The following CCT3 variants were observed in gnomAD, a reference collection of about 807,000 sequenced individuals.
CCT3 encodes the protein T-complex protein 1 subunit gamma.
Under a neutral mutation model 65.3 loss-of-function variants are expected in CCT3, and 10 were observed. The ratio of observed to expected loss-of-function variants is 0.15; its 90% CI spans 0.09 to 0.26. The LOEUF (loss-of-function observed/expected upper bound fraction) is 0.26, where lower values mean the gene tolerates loss of function less well. Ranked by LOEUF, CCT3 falls within the 10% of genes least tolerant of loss-of-function variation. CCT3 has a pLI of 1.00. For synonymous variants in CCT3, 225 were observed against 242.3 expected (o/e 0.93, Z 0.66); for missense variants, 626 against 708.7 (o/e 0.88, Z 1.33).
chr1:156,310,794 T>G, intron 12 of CCT3, 105 bp from the exon 13 acceptor site: 1 of 1,455,184 alleles, frequency 6.9e-7, no homozygotes, highest in Non-Finnish European at 9.4e-7. Context: ...CAGGGAAAAA[T>G]GGCAATGACA....
intron 10 of CCT3, among the ~76,000 whole-genome samples, chr1:156,315,244 T>C (rs992409393): frequency 6.6e-6 from 1 of 152,254 alleles, no homozygotes; most frequent in South Asian, 2.1e-4. Context: ...CTTTCACTCT[T>C]GTCGCCCAGG....
At chr1:156,312,335 T>C (rs1664120354) in intron 10 of CCT3, 114 bp from the exon 11 acceptor site, 1 of 953,362 alleles carries the variant, frequency 1.0e-6, no homozygotes, top group Non-Finnish European at 1.5e-6. Flanking sequence ...GTTGGAAACA[T>C]CACTTAAGAG....
At position 156,309,302 on chromosome 1, in the gene CCT3, G is replaced by A. The variant is rs763340746; in HGVS notation, c.1535C>T (p.Thr512Met). 17 of 1,609,626 alleles carry A rather than the reference G, an allele frequency of 1.1e-5. No individual in the cohort carries two copies. The East Asian group carries it at 1.8e-4, about 17-fold the overall frequency. The change falls in exon 14 of 14, where the codon ACG becomes ATG. Residue 512 changes from threonine to methionine, a missense_variant and splice_region_variant. Physicochemically the swap from Thr to Met is moderately conservative, Grantham distance 81. Coordinates refer to ENST00000295688, the MANE Select transcript of CCT3 (RefSeq NM_005998.5). The part of the protein sequence containing the change: ...KLQTYKTAVE[T>M]AVLLLRIDDI... ...ATCAATTCGCAGTAGCAGAACTGCC[G>A]TCTAGGAGAAAAACCACAGATGCAA...
intron 1 of CCT3, among the ~76,000 whole-genome samples, 154 bp downstream of exon 1, chr1:156,338,000 G>A (rs553878510): frequency 2.7e-4 from 41 of 151,416 alleles, no homozygotes; most frequent in Non-Finnish European, 5.0e-4. Flanking sequence ...GTTAAGAGAA[G>A]AGAGGAAAGC....
intron 5 of CCT3, among the ~76,000 whole-genome samples, chr1:156,329,123 T>C (rs1418532733): frequency 2.6e-5 from 4 of 152,144 alleles, no homozygotes; most frequent in Non-Finnish European, 5.9e-5. Context: ...ACCACTGTAT[T>C]ATAACTGTAT....
rs149130035 is a variant in CCT3, at chr1:156,335,131, A to G, written c.94-213T>C. 1.5e-3 allele frequency: 804 copies of G among 532,444 alleles called. 2 individuals are homozygous for G. The highest frequency in any genetic ancestry group is 7.0e-3 in the Middle Eastern group (14 of 2,002). 33.0% of individuals were successfully genotyped at this position (532,444 alleles called of 1,614,324 possible). On this transcript the variant is annotated intron_variant, in intron 2 of 13. Coordinates refer to ENST00000295688, the MANE Select transcript of CCT3 (RefSeq NM_005998.5). ...AGTGATCCACCTGCCTCAGCCTCCC[A>G]AAGTGTTGGGATTAGAGGCGTGAGC...
intron 13 of CCT3, among the ~76,000 whole-genome samples, chr1:156,309,856 G>C (rs534041917): frequency 1.1e-4 from 17 of 151,342 alleles, no homozygotes; most frequent in Non-Finnish European, 2.5e-4. Context: ...GGCCAACATG[G>C]TAAAACCCCG....
chr1:156,309,721 C>T (rs757057311), intron 13 of CCT3, among the ~76,000 whole-genome samples: 2 of 151,768 alleles, frequency 1.3e-5, no homozygotes, highest in Non-Finnish European at 2.9e-5. Flanking sequence ...CCACCATGCC[C>T]GGCCTTTTCA....
chr1:156,311,641 C>T (rs1022966720), intron 11 of CCT3, among the ~76,000 whole-genome samples: 1 of 151,846 alleles, frequency 6.6e-6, no homozygotes, highest in African/African-American at 2.4e-5. Flanking sequence ...GTTACTTAGC[C>T]TCAATGAGGA....
At chr1:156,321,135 G>A in intron 6 of CCT3, 110 bp from the exon 7 acceptor site, 1 of 853,876 alleles carries the variant, frequency 1.2e-6, no homozygotes, top group Non-Finnish European at 1.8e-6. Flanking sequence ...GCAGAACAAG[G>A]GGATTTGTTC....
chr1:156,317,626 C>A (rs906917065), intron 8 of CCT3, 79 bp from the exon 9 acceptor site: 74 of 1,283,834 alleles, frequency 5.8e-5, no homozygotes, highest in Non-Finnish European at 7.7e-5. Context: ...ACTCCTTCCA[C>A]CCACCTCTCC....
chr1:156,315,338 A>G (rs1046721233), intron 10 of CCT3, among the ~76,000 whole-genome samples: 2 of 152,106 alleles, frequency 1.3e-5, no homozygotes, highest in African/African-American at 4.8e-5. Context: ...CCTCCCGAGT[A>G]GCTGGGATTA....
In CCT3 at chr1:156,317,221, C is replaced by T. The variant is rs2101639363; in HGVS notation, c.919G>A (p.Ala307Thr). ...ACTCTGCGGATGGCTGTGATATTGG[C>T]CCGCATAAGGTAGTGCTGAGCTAAA... ...SDLAQHYLMR[A>T]NITAIRRVRK... The change falls in exon 10 of 14, where the codon GCC becomes ACC. Residue 307 changes from alanine to threonine, a missense_variant. By Grantham distance (58) the Ala-to-Thr change is moderately conservative (BLOSUM62 0). Coordinates refer to ENST00000295688, the MANE Select transcript of CCT3 (RefSeq NM_005998.5). 2 of 1,614,136 alleles carry T rather than the reference C, an allele frequency of 1.2e-6. No individual in the cohort carries two copies. Among genetic ancestry groups the T allele is most frequent in the Middle Eastern group, 1.6e-4 (1 of 6,062 alleles).
At chr1:156,325,691 C>T (rs1558270114) in intron 5 of CCT3, among the ~76,000 whole-genome samples, 1 of 151,532 alleles carries the variant, frequency 6.6e-6, no homozygotes, top group Non-Finnish European at 1.5e-5. Context: ...GATTTTCCCA[C>T]CTCGGCCTCC....
At chr1:156,324,502 G>A (rs748758215) in intron 6 of CCT3, among the ~76,000 whole-genome samples, 5 of 151,900 alleles carry the variant, frequency 3.3e-5, no homozygotes, top group African/African-American at 9.7e-5. Context: ...TGGGAGTTTC[G>A]CTCTTGTTGC....
At position 156,309,034 on chromosome 1, in the gene CCT3, A is replaced by G. The variant is rs2101623435; in HGVS notation, c.*165T>C. Reference sequence around the variant, plus strand: ...AAACCTTACAATAGAGAAGAATTACATGTCAGTGTCTTTTGGAAAACTGAG... The same window carrying G: ...AAACCTTACAATAGAGAAGAATTACGTGTCAGTGTCTTTTGGAAAACTGAG... On this transcript the variant is annotated 3_prime_UTR_variant, in exon 14 of 14. Transcript: ENST00000295688. 1.7e-6 allele frequency: 1 copy of G among 595,430 alleles called. No homozygotes were observed. Among genetic ancestry groups the G allele is most frequent in the South Asian group, 2.2e-5 (1 of 45,436 alleles). The allele number at this position is 595,430 out of a possible 1,614,324, so 36.9% of individuals were successfully genotyped here.
At chr1:156,314,350 T>C (rs556501251) in intron 10 of CCT3, among the ~76,000 whole-genome samples, 2 of 152,106 alleles carry the variant, frequency 1.3e-5, no homozygotes, top group East Asian at 3.9e-4. Flanking sequence ...GGCATAGCGG[T>C]GGTGAAGGGT....
intron 4 of CCT3, 52 bp from the exon 5 acceptor site, chr1:156,333,695 C>A: frequency 7.2e-7 from 1 of 1,385,696 alleles, no homozygotes; most frequent in South Asian, 1.2e-5. Context: ...CCTCTGAACT[C>A]ATGAAGCTTG....
intron 5 of CCT3, among the ~76,000 whole-genome samples, chr1:156,329,509 G>A (rs113848423): frequency 0.012 from 1,752 of 151,870 alleles, 33 homozygotes; most frequent in African/African-American, 0.041. Flanking sequence ...GTTTCACCAT[G>A]TTGGTCAGGA....
Sources: gnomAD v4.1 joint callset for allele counts (sites outside exome capture counted in the v4.1 genomes callset) on GRCh38, gnomAD v4.1.1 for gene constraint, MANE v1.5 for transcripts, NCBI Gene and HGNC (gene_info 2026-07-23, HGNC 2026-07-21) for gene names.